The following GPAT3 variants were observed in gnomAD, a reference collection of about 807,000 sequenced individuals.
GPAT3 encodes 1-AGP acyltransferase 9.
A neutral mutation model predicts 58.8 loss-of-function variants in GPAT3; 53 were observed. The ratio of observed to expected loss-of-function variants is 0.90; its 90% CI spans 0.72 to 1.13. The LOEUF (loss-of-function observed/expected upper bound fraction) is 1.13, where lower values mean the gene tolerates loss of function less well. Among genes scored for constraint, GPAT3 ranks in the 50% most tolerant of loss-of-function variants. The probability of loss-of-function intolerance (pLI) is 0.00; values close to 1 mark genes in which losing one functional copy is unlikely to be tolerated. For synonymous variants in GPAT3, 197 were observed against 187.4 expected (o/e 1.05, Z -0.42); for missense variants, 511 against 527.6 (o/e 0.97, Z 0.31).
intron 2 of GPAT3, among the ~76,000 whole-genome samples, chr4:83,578,966 T>TTCTTTCTTTCTTTC (rs1725940741): frequency 7.8e-6 from 1 of 128,510 alleles, no homozygotes; most frequent in East Asian, 2.2e-4. Flanking sequence ...CTTTCTTTCT[T>TTCTTTCTTTCTTTC]TCTTTCTTTC....
intron 2 of GPAT3, among the ~76,000 whole-genome samples, chr4:83,577,293 GA>G (rs199868099): frequency 3.3e-5 from 5 of 149,884 alleles, no homozygotes; most frequent in South Asian, 4.2e-4. Flanking sequence ...TCCTGGACCA[GA>G]AAAAAAAAAT....
intron 10 of GPAT3, chr4:83,598,396 T>A: frequency 1.4e-6 from 1 of 715,352 alleles, no homozygotes; most frequent in South Asian, 2.0e-5. Context: ...TTATTGAACC[T>A]ACAGATATTA....
At chr4:83,556,519 G>T (rs576716130) in intron 2 of GPAT3, among the ~76,000 whole-genome samples, 1 of 150,554 alleles carries the variant, frequency 6.6e-6, no homozygotes, top group South Asian at 2.1e-4. Flanking sequence ...AAAAGAAAAA[G>T]AAACAAACAA....
intron 2 of GPAT3, among the ~76,000 whole-genome samples, chr4:83,581,017 A>G (rs561769502): frequency 1.4e-5 from 2 of 139,488 alleles, no homozygotes; most frequent in Non-Finnish European, 3.0e-5. Context: ...ATTGGCATGA[A>G]CCCGGGAGGC....
chr4:83,551,854 C>A (rs937317951), intron 2 of GPAT3, among the ~76,000 whole-genome samples: 1 of 122,856 alleles, frequency 8.1e-6, no homozygotes, highest in Non-Finnish European at 1.7e-5. Flanking sequence ...CTATCTGAAG[C>A]AAATATGACA....
Position 83,598,140 on chromosome 4 carries a change from C to T in GPAT3, c.1086C>T (p.Ile362=), listed in dbSNP as rs775842935. The T allele has an allele frequency of 1.3e-5, 21 of 1,613,408 alleles. No individual in the cohort carries two copies. Among genetic ancestry groups the T allele is most frequent in the African/African-American group, 4.0e-5 (3 of 74,842 alleles). The part of the protein sequence containing the change: ...YLLRMMTSWA[I]VCDVWYMPPM... ...TTCGAATGATGACCAGCTGGGCCAT[C>T]GTCTGTGACGTGTGGTACATGCCCC... Residue 362 remains isoleucine (I), a synonymous_variant, in exon 10 of 12, where the codon ATC becomes ATT. Transcript: ENST00000264409.
chr4:83,597,502 C>A lies in GPAT3; in HGVS notation c.983C>A (p.Pro328Gln). 6.4e-7 allele frequency: 1 copy of A among 1,562,476 alleles called. No individual in the cohort carries two copies. Among genetic ancestry groups the A allele is most frequent in the East Asian group, 2.3e-5 (1 of 43,380 alleles). ...TTTGAAATTGGAGGAACCATACATCCAGTTGCAATTAAGGTAAAACAGATA... is the reference window on the plus strand; with the variant it reads ...TTTGAAATTGGAGGAACCATACATCAAGTTGCAATTAAGGTAAAACAGATA... ...GSFEIGGTIH[P>Q]VAIKYNPQFG... The change falls in exon 9 of 12, where the codon CCA (proline) becomes CAA (glutamine). Residue 328 changes from proline (P) to glutamine (Q), a missense_variant. Physicochemically the swap from Pro to Gln is moderately conservative, Grantham distance 76 (BLOSUM62 -1). Coordinates refer to ENST00000264409, the MANE Select transcript of GPAT3 (RefSeq NM_032717.5).
At chr4:83,593,048 G>C (rs1199119591) in intron 6 of GPAT3, among the ~76,000 whole-genome samples, 1 of 150,398 alleles carries the variant, frequency 6.6e-6, no homozygotes, top group African/African-American at 2.5e-5. Context: ...TGTATTTTTA[G>C]TAGAGACGGG....
chr4:83,577,235 C>T (rs1429607694), intron 2 of GPAT3, among the ~76,000 whole-genome samples: 1 of 151,986 alleles, frequency 6.6e-6, no homozygotes, highest in Non-Finnish European at 1.5e-5. Flanking sequence ...GGAACCTTTC[C>T]ACATTTAAAG....
intron 11 of GPAT3, among the ~76,000 whole-genome samples, chr4:83,603,588 C>T (rs945232248): frequency 3.9e-5 from 6 of 152,108 alleles, no homozygotes; most frequent in South Asian, 2.1e-4. Flanking sequence ...GTTGGGAGTT[C>T]GAGACCAGCC....
chr4:83,582,738 A>T (rs1239592004), intron 3 of GPAT3, among the ~76,000 whole-genome samples: 1 of 152,008 alleles, frequency 6.6e-6, no homozygotes, highest in Non-Finnish European at 1.5e-5. Context: ...TTGCTTAACT[A>T]CAGGGAAATG....
At chr4:83,563,670 T>C (rs1327902169) in intron 2 of GPAT3, among the ~76,000 whole-genome samples, 1 of 151,786 alleles carries the variant, frequency 6.6e-6, no homozygotes, top group East Asian at 1.9e-4. Flanking sequence ...TTAGTAGAGA[T>C]GGGTTTTGCT....
intron 2 of GPAT3, among the ~76,000 whole-genome samples, chr4:83,566,872 G>T (rs531402397): frequency 2.7e-5 from 4 of 149,494 alleles, no homozygotes; most frequent in African/African-American, 4.9e-5. Flanking sequence ...GATAGGTATT[G>T]CACATTTCCT....
intron 11 of GPAT3, among the ~76,000 whole-genome samples, chr4:83,600,357 C>T (rs2110111474): frequency 6.6e-6 from 1 of 152,274 alleles, no homozygotes. Flanking sequence ...ATGACCTCAT[C>T]TAACCCTAAT....
chr4:83,577,293 G>GA (rs199868099), intron 2 of GPAT3, among the ~76,000 whole-genome samples: 54 of 149,858 alleles, frequency 3.6e-4, no homozygotes, highest in Admixed American at 1.4e-3. Flanking sequence ...TCCTGGACCA[G>GA]AAAAAAAAAA....
intron 2 of GPAT3, among the ~76,000 whole-genome samples, chr4:83,562,238 T>TA (rs1725200700): frequency 3.4e-5 from 4 of 117,818 alleles, no homozygotes; most frequent in African/African-American, 1.8e-4. Context: ...ATATATATAA[T>TA]ATATATATAT....
intron 9 of GPAT3, 24 bp from the exon 10 acceptor site, chr4:83,598,025 CTG>C: frequency 6.2e-7 from 1 of 1,611,650 alleles, no homozygotes; most frequent in Non-Finnish European, 8.5e-7. Flanking sequence ...TATTTCATAA[CTG>C]AGATGTATTT....
chr4:83,536,633 CAG>C lies in GPAT3; in HGVS notation c.14_15del (p.Glu5AlafsTer49). 6.2e-7 allele frequency: 1 copy of C among 1,612,534 alleles called. No individual in the cohort carries two copies. The highest frequency in any genetic ancestry group is 8.5e-7 in the Non-Finnish European group (1 of 1,179,914). ...TGGGTGCGCCGAGTCATGGAGGGCGCAGAGCTGGCCGGGAAGATCCTTTCCAC... is the reference window on the plus strand; with the variant it reads ...TGGGTGCGCCGAGTCATGGAGGGCGCAGCTGGCCGGGAAGATCCTTTCCAC... On this transcript the variant is annotated frameshift_variant, in exon 1 of 12. Coordinates refer to ENST00000264409, the MANE Select transcript of GPAT3 (RefSeq NM_032717.5). LOFTEE classifies it high-confidence loss of function.
chr4:83,586,321 C>A (rs923734372), intron 3 of GPAT3, among the ~76,000 whole-genome samples: 3 of 152,148 alleles, frequency 2.0e-5, no homozygotes, highest in Non-Finnish European at 4.4e-5. Flanking sequence ...TGACCCTTAA[C>A]CTTAGGCAAC....
Sources: allele counts gnomAD v4.1 joint callset (sites outside exome capture counted in the v4.1 genomes callset), GRCh38; gene constraint gnomAD v4.1.1; transcripts MANE v1.5; gene names NCBI Gene and HGNC (gene_info 2026-07-23, HGNC 2026-07-21).